The following C10orf53 variants were observed in gnomAD, a reference collection of about 807,000 sequenced individuals.
C10orf53 encodes UPF0728 protein C10orf53.
In C10orf53, 8 loss-of-function variants were observed where a neutral mutation model predicts 9.4. That is an observed-to-expected ratio of 0.85 (90% CI 0.50 to 1.53). The LOEUF is 1.53. C10orf53 is among the 40% of genes most tolerant of loss of function. The probability of loss-of-function intolerance (pLI) is 0.00; values close to 1 mark genes in which losing one functional copy is unlikely to be tolerated. For missense variants in C10orf53, 117 were observed against 117.8 expected (o/e 0.99, Z 0.03); for synonymous variants, 48 against 46.0 (o/e 1.04, Z -0.18).
intron 1 of C10orf53, among the ~76,000 whole-genome samples, chr10:49,687,924 T>A: frequency 6.6e-6 from 1 of 152,086 alleles, no homozygotes. Flanking sequence ...GAAGGAGAAA[T>A]GGCAGGGTGT....
At chr10:49,708,801 GCT>G in exon 3 of C10orf53, 1 of 766,254 alleles carries the variant, frequency 1.3e-6, no homozygotes, top group East Asian at 2.7e-5. Context: ...ATTCTCCCCA[GCT>G]CTGAGTCTCT....
chr10:49,686,316 A>G (rs1042766679), intron 1 of C10orf53, among the ~76,000 whole-genome samples: 1 of 152,214 alleles, frequency 6.6e-6, no homozygotes, highest in African/African-American at 2.4e-5. Context: ...TAAACTGAGA[A>G]TGTACGTCAC....
At chr10:49,682,858 T>C (rs1472884361) in intron 1 of C10orf53, among the ~76,000 whole-genome samples, 1 of 152,252 alleles carries the variant, frequency 6.6e-6, no homozygotes, top group East Asian at 1.9e-4. Context: ...GCAATCTACT[T>C]TGTAGCTTAT....
intron 1 of C10orf53, among the ~76,000 whole-genome samples, chr10:49,682,396 G>A (rs1169030170): frequency 1.3e-5 from 2 of 151,968 alleles, no homozygotes; most frequent in African/African-American, 2.4e-5. Flanking sequence ...TGGTGGGCTC[G>A]TGGTCTCGCT....
intron 1 of C10orf53, among the ~76,000 whole-genome samples, chr10:49,686,349 T>C (rs1840528383): frequency 6.6e-6 from 1 of 152,182 alleles, no homozygotes; most frequent in Non-Finnish European, 1.5e-5. Context: ...ATTTTACAAA[T>C]TGATTGTAAA....
At chr10:49,708,627 G>A in exon 3 of C10orf53, 1 of 1,613,086 alleles carries the variant, frequency 6.2e-7, no homozygotes. Flanking sequence ...AAATCGACAG[G>A]ACAGATTGTG....
At chr10:49,708,123 A>G (rs1840735327) in intron 2 of C10orf53, among the ~76,000 whole-genome samples, 1 of 152,134 alleles carries the variant, frequency 6.6e-6, no homozygotes, top group Admixed American at 6.5e-5. Context: ...ATCTTTCTCC[A>G]GCCCTGATTT....
At chr10:49,689,858 A>G (rs1419721505) in intron 1 of C10orf53, among the ~76,000 whole-genome samples, 1 of 152,226 alleles carries the variant, frequency 6.6e-6, no homozygotes, top group African/African-American at 2.4e-5. Flanking sequence ...GTTTTTTTAA[A>G]AAAGTATTAT....
In C10orf53 at chr10:49,695,563, G is replaced by C. The variant is rs1840627161; in HGVS notation, c.*961G>C. On this transcript the variant is annotated 3_prime_UTR_variant, in exon 3 of 3. Transcript: ENST00000374111. The stretch of plus-strand genomic sequence containing the variant: ...GGAGCAGGGCTTTCAGGATCGCTCA[G>C]AGACCTGCGGCTTCACCTGCTCTGA... The C allele has an allele frequency of 6.6e-6, 1 of 152,256 alleles. No homozygotes were observed. The highest frequency in any genetic ancestry group is 2.4e-5 in the African/African-American group (1 of 41,454). 9.4% of individuals were successfully genotyped at this position (152,256 alleles called of 1,614,324 possible).
Position 49,694,706 on chromosome 10 carries a change from T to C in C10orf53, c.*104T>C. 1 of 1,580,674 alleles carries C rather than the reference T, an allele frequency of 6.3e-7. No homozygotes were observed. The highest frequency in any genetic ancestry group is 8.6e-7 in the Non-Finnish European group (1 of 1,162,440). On this transcript the variant is annotated 3_prime_UTR_variant, in exon 3 of 3. Transcript: ENST00000374111. ...GTGCCACGGTGTGGACACTGGGCTC[T>C]GCTAGTCAGAACAGGGCAACTCGGG... is the stretch of plus-strand genomic sequence containing the variant.
intron 1 of C10orf53, among the ~76,000 whole-genome samples, chr10:49,691,399 C>T (rs959795710): frequency 2.0e-5 from 3 of 152,184 alleles, no homozygotes; most frequent in African/African-American, 7.2e-5. Context: ...GTGGGCAGTG[C>T]CCAGGGCCAT....
chr10:49,698,562 A>G (rs190424265), downstream of C10orf53, among the ~76,000 whole-genome samples: 20 of 152,322 alleles, frequency 1.3e-4, no homozygotes, highest in African/African-American at 4.1e-4. Context: ...GTGACAATCA[A>G]CAAATGCCCT....
At chr10:49,682,364 A>T (rs542008176) in intron 1 of C10orf53, among the ~76,000 whole-genome samples, 1 of 152,212 alleles carries the variant, frequency 6.6e-6, no homozygotes, top group East Asian at 1.9e-4. Context: ...AAGGTGGTGC[A>T]TCCAGAGTTG....
intron 2 of C10orf53, among the ~76,000 whole-genome samples, chr10:49,703,640 C>G (rs911992527): frequency 7.9e-5 from 12 of 152,126 alleles, no homozygotes; most frequent in Admixed American, 7.9e-4. Context: ...TCTTGTGATG[C>G]CTGGTCTTGT....
intron 1 of C10orf53, among the ~76,000 whole-genome samples, chr10:49,682,130 A>C (rs145049576): frequency 6.6e-6 from 1 of 152,340 alleles, no homozygotes; most frequent in African/African-American, 2.4e-5. Flanking sequence ...CATTTTAACC[A>C]TGTTAAGCAT....
chr10:49,709,356 C>G (rs1017788423), exon 3 of C10orf53: 4 of 152,344 alleles, frequency 2.6e-5, no homozygotes, highest in African/African-American at 9.7e-5. Context: ...CATCCAGCAT[C>G]TAGCAAGGTT....
At chr10:49,692,524 C>T (rs776182000) in intron 1 of C10orf53, among the ~76,000 whole-genome samples, 2 of 152,322 alleles carry the variant, frequency 1.3e-5, no homozygotes, top group East Asian at 1.9e-4. Flanking sequence ...TGCTTTACTC[C>T]GTGTAAAACT....
At position 49,696,431 on chromosome 10, in the gene C10orf53, T is replaced by C. The variant is rs931873360; in HGVS notation, c.*1829T>C. 1.4e-4 allele frequency among the ~76,000 whole-genome samples: 21 copies of C among 152,230 alleles called. No homozygotes were observed. Among genetic ancestry groups the C allele is most frequent in the Non-Finnish European group, 1.8e-4 (12 of 68,034 alleles). On this transcript the variant is annotated 3_prime_UTR_variant, in exon 3 of 3. Transcript: ENST00000374111. The stretch of plus-strand genomic sequence containing the variant: ...AAACACAGTGGAATCCTGTCTCCTC[T>C]AGCCCTGCAACCCCGGCATTAAACT...
At chr10:49,687,327 A>G (rs1397461087) in intron 1 of C10orf53, among the ~76,000 whole-genome samples, 1 of 152,220 alleles carries the variant, frequency 6.6e-6, no homozygotes, top group East Asian at 1.9e-4. Context: ...ACAACTTATC[A>G]GTATTGGGGG....
Sources: allele counts gnomAD v4.1 joint callset (sites outside exome capture counted in the v4.1 genomes callset), GRCh38; gene constraint gnomAD v4.1.1; transcripts MANE v1.5; gene names NCBI Gene and HGNC (gene_info 2026-07-23, HGNC 2026-07-21).